SELENOF: variants seen among roughly 807,000 people sequenced by gnomAD.
SELENOF encodes the protein 15 kDa selenoprotein.
Under a neutral mutation model 20.5 loss-of-function variants are expected in SELENOF, and 16 were observed. The ratio of observed to expected loss-of-function variants is 0.78; its 90% CI spans 0.53 to 1.19. SELENOF has a LOEUF of 1.19. SELENOF is among the 50% of genes most tolerant of loss of function. SELENOF has a pLI of 0.00. For synonymous variants in SELENOF, 78 were observed against 74.5 expected (o/e 1.05, Z -0.24); for missense variants, 215 against 194.2 (o/e 1.11, Z -0.64).
chr1:86,883,477 C>CTAGTGTATAGTGTACGTACACTAAA (rs968300667), intron 2 of SELENOF, among the ~76,000 whole-genome samples: 15 of 151,284 alleles, frequency 9.9e-5, no homozygotes, highest in Non-Finnish European at 1.5e-4. Context: ...TGTATGTACA[C>CTAGTGTATAGTGTACGTACACTAAA]TAGTGTATAG....
At chr1:86,886,267 G>A (rs549771951) in intron 2 of SELENOF, among the ~76,000 whole-genome samples, 4 of 152,264 alleles carry the variant, frequency 2.6e-5, no homozygotes, top group African/African-American at 9.6e-5. Context: ...TCAAATGATT[G>A]TAATGGGCAG....
At chr1:86,907,900 C>T (rs1032082460) in intron 1 of SELENOF, among the ~76,000 whole-genome samples, 5 of 151,736 alleles carry the variant, frequency 3.3e-5, no homozygotes, top group Non-Finnish European at 5.9e-5. Context: ...GCAGGAGAAT[C>T]GCTTGAACCC....
chr1:86,900,148 C>T (rs1659653013), intron 2 of SELENOF, among the ~76,000 whole-genome samples: 2 of 151,948 alleles, frequency 1.3e-5, no homozygotes, highest in Admixed American at 6.5e-5. Context: ...AGACGATGGG[C>T]GGCCAGGCGG....
intron 3 of SELENOF, among the ~76,000 whole-genome samples, chr1:86,875,483 C>T (rs1304538113): frequency 2.6e-5 from 4 of 152,066 alleles, no homozygotes; most frequent in Admixed American, 1.3e-4. Flanking sequence ...GGGCATATAA[C>T]AAATGGAAAC....
At chr1:86,909,113 T>G (rs989360002) in intron 1 of SELENOF, among the ~76,000 whole-genome samples, 1 of 152,184 alleles carries the variant, frequency 6.6e-6, no homozygotes, top group Admixed American at 6.5e-5. Flanking sequence ...TGTCAAGAAA[T>G]TGTTCCCTCA....
At chr1:86,884,986 A>G (rs1659176494) in intron 2 of SELENOF, among the ~76,000 whole-genome samples, 1 of 152,220 alleles carries the variant, frequency 6.6e-6, no homozygotes, top group African/African-American at 2.4e-5. Context: ...GGGTGGGGGA[A>G]GTAGAAATAT....
intron 3 of SELENOF, among the ~76,000 whole-genome samples, chr1:86,878,959 C>T (rs552138336): frequency 5.5e-4 from 84 of 151,960 alleles, no homozygotes; most frequent in African/African-American, 1.9e-3. Flanking sequence ...AATATTTACA[C>T]AAAGCATTAA....
Position 86,914,056 on chromosome 1 carries a change from C to A in SELENOF, c.56G>T (p.Arg19Leu), listed in dbSNP as rs1660067080. ...SGCLVPAFGL[R>L]LLLATVLQAV... The stretch of plus-strand genomic sequence containing the variant: ...TTGAAGCACAGTCGCCAACAACAAC[C>A]GTAGCCCAAACGCCGGCACCAGACA... The change falls in exon 1 of 5, where the codon CGG (arginine) becomes CTG (leucine). Residue 19 changes from arginine to leucine, a missense_variant. Transcript: ENST00000331835. 1.2e-6 allele frequency: 2 copies of A among 1,613,978 alleles called. No individual in the cohort carries two copies.
intron 2 of SELENOF, among the ~76,000 whole-genome samples, chr1:86,881,953 GC>G (rs1345597633): frequency 1.3e-5 from 2 of 152,008 alleles, no homozygotes; most frequent in Admixed American, 6.6e-5. Context: ...GGTTAATTTG[GC>G]CAGGCATGGT....
chr1:86,874,939 A>G (rs1318067467), intron 3 of SELENOF, among the ~76,000 whole-genome samples: 1 of 152,228 alleles, frequency 6.6e-6, no homozygotes, highest in Non-Finnish European at 1.5e-5. Flanking sequence ...AAGTATTTCT[A>G]AAACAGAAAA....
chr1:86,868,376 T>C (rs141255136), intron 3 of SELENOF, among the ~76,000 whole-genome samples: 266 of 152,102 alleles, frequency 1.7e-3, no homozygotes, highest in Non-Finnish European at 3.5e-3. Context: ...ATTTTAAGAG[T>C]AATGTGTAAG....
Position 86,886,846 on chromosome 1 carries a change from T to C in SELENOF, c.253-6121A>G, listed in dbSNP as rs967953315. ...AAAATAAGGAAGCATGGCTATAGTA[T>C]GATAAAAGCTGAGCACTGTATTATT... On this transcript the variant is annotated intron_variant, in intron 2 of 4. Transcript: ENST00000331835. Among the ~76,000 whole-genome samples the C allele has an allele frequency of 3.6e-4, 55 of 152,126 alleles. 1 individual carries two copies. Among genetic ancestry groups the C allele is most frequent in the Admixed American group, 6.5e-5 (1 of 15,270 alleles).
chr1:86,899,527 CTGGCCGGGCGGG>C, intron 2 of SELENOF, among the ~76,000 whole-genome samples: 1 of 147,174 alleles, frequency 6.8e-6, no homozygotes, highest in East Asian at 2.0e-4. Flanking sequence ...GACGGGGCGG[CTGGCCGGGCGGG>C]GGGCTGACCC....
At chr1:86,896,403 T>G (rs1432426060) in intron 2 of SELENOF, among the ~76,000 whole-genome samples, 2 of 152,072 alleles carry the variant, frequency 1.3e-5, no homozygotes, top group African/African-American at 4.8e-5. Flanking sequence ...GTGCACAGAA[T>G]TTGCAAGATT....
At chr1:86,887,008 A>T (rs1659236103) in intron 2 of SELENOF, 5 of 768,992 alleles carry the variant, frequency 6.5e-6, no homozygotes, top group Non-Finnish European at 9.3e-6. Context: ...CATCACACAG[A>T]AACTATTTTT....
At chr1:86,866,157 A>C (rs1190390321) in intron 4 of SELENOF, among the ~76,000 whole-genome samples, 1 of 142,628 alleles carries the variant, frequency 7.0e-6, no homozygotes, top group African/African-American at 2.7e-5. Context: ...TGATCACATC[A>C]CTGCCTTCCA....
intron 1 of SELENOF, among the ~76,000 whole-genome samples, chr1:86,910,962 A>C (rs1446463989): frequency 6.6e-6 from 1 of 152,186 alleles, no homozygotes; most frequent in Non-Finnish European, 1.5e-5. Context: ...TTGCTTGTGG[A>C]TTCTCTAATT....
chr1:86,874,229 A>G (rs491738), intron 3 of SELENOF, among the ~76,000 whole-genome samples: 39,343 of 151,960 alleles, frequency 0.26, 6,274 homozygotes, highest in African/African-American at 0.45. Context: ...TCGGCCTCCC[A>G]AAGTGGTGGG....
chr1:86,887,189 G>T, intron 2 of SELENOF: 1 of 1,541,608 alleles, frequency 6.5e-7, no homozygotes, highest in Non-Finnish European at 8.7e-7. Context: ...AGAAACAATG[G>T]ATGAATACTG....
Sources: allele counts gnomAD v4.1 joint callset (sites outside exome capture counted in the v4.1 genomes callset), GRCh38; gene constraint gnomAD v4.1.1; transcripts MANE v1.5; gene names NCBI Gene and HGNC (gene_info 2026-07-23, HGNC 2026-07-21).